LY86: variants seen among roughly 807,000 people sequenced by gnomAD.
LY86 encodes MD-1, RP105-associated.
LY86 carries 20 observed loss-of-function variants against 17.3 expected under a neutral mutation model. The observed-to-expected ratio is 1.15, with a 90% CI of 0.81 to 1.68. The LOEUF (loss-of-function observed/expected upper bound fraction) is 1.68, where lower values mean the gene tolerates loss of function less well. Among genes scored for constraint, LY86 ranks in the 40% most tolerant of loss-of-function variants. The probability of loss-of-function intolerance (pLI) is 0.00; values close to 1 mark genes in which losing one functional copy is unlikely to be tolerated. For missense variants in LY86, 200 were observed against 191.9 expected, an observed-to-expected ratio of 1.04 and a Z score of -0.25; for synonymous variants, 74 against 70.6, an observed-to-expected ratio of 1.05 and a Z score of -0.24.
intron 1 of LY86, among the ~76,000 whole-genome samples, chr6:6,607,890 A>T (rs752129846): frequency 6.6e-6 from 1 of 151,676 alleles, no homozygotes; most frequent in Non-Finnish European, 1.5e-5. Flanking sequence ...ATAAGACTCC[A>T]TCTCAAAAAA....
chr6:6,612,318 G>T (rs1432256505), intron 1 of LY86, among the ~76,000 whole-genome samples: 1 of 152,230 alleles, frequency 6.6e-6, no homozygotes, highest in Non-Finnish European at 1.5e-5. Flanking sequence ...CTTCAGGCGT[G>T]AAACTGCAGA....
rs142269963 is a variant in LY86, at chr6:6,589,475, C to T, written c.136+605C>T. 2.0e-3 allele frequency among the ~76,000 whole-genome samples: 306 copies of T among 152,330 alleles called. 2 individuals are homozygous for T. Among genetic ancestry groups the T allele is most frequent in the Non-Finnish European group, 3.2e-3 (219 of 68,036 alleles). ...CAGGCCTGTCACCCCAGCGGGCCAA[C>T]CCAATACGCCAACAGATAATTGCAA... On this transcript the variant is annotated intron_variant, in intron 1 of 4. Transcript: ENST00000230568.
intron 1 of LY86, among the ~76,000 whole-genome samples, chr6:6,619,394 T>C (rs1254624848): frequency 6.6e-6 from 1 of 152,274 alleles, no homozygotes; most frequent in Non-Finnish European, 1.5e-5. Flanking sequence ...TCTGTTTCTC[T>C]AGAGAACCCT....
rs1232623786 is a variant in LY86 at position 6,651,752 on chromosome 6, C to G, written c.405+2075C>G. 3.3e-5 allele frequency among the ~76,000 whole-genome samples: 5 copies of G among 152,084 alleles called. No individual in the cohort carries two copies. The East Asian group carries it at 9.7e-4, about 29-fold the overall frequency. ...AAAAGAACTTCTTAAAGTCAGAAAACCCCTTTGAAAGTAAGTTGAGAGGCC... is the reference window on the plus strand; with the variant it reads ...AAAAGAACTTCTTAAAGTCAGAAAAGCCCTTTGAAAGTAAGTTGAGAGGCC... On this transcript the variant is annotated intron_variant, in intron 4 of 4. Coordinates refer to ENST00000230568, the MANE Select transcript of LY86 (RefSeq NM_004271.4).
chr6:6,605,913 A>T (rs1761118149), intron 1 of LY86, among the ~76,000 whole-genome samples: 1 of 152,206 alleles, frequency 6.6e-6, no homozygotes, highest in African/African-American at 2.4e-5. Flanking sequence ...GGCTTCAGGA[A>T]TGAAGCTGCA....
chr6:6,635,635 G>A (rs1215507520), intron 3 of LY86, among the ~76,000 whole-genome samples: 1 of 152,138 alleles, frequency 6.6e-6, no homozygotes, highest in African/African-American at 2.4e-5. Flanking sequence ...TAGACTTCCT[G>A]CTCCTTCAAA....
chr6:6,599,510 G>C (rs970099837), intron 1 of LY86, among the ~76,000 whole-genome samples: 17 of 152,220 alleles, frequency 1.1e-4, no homozygotes, highest in Non-Finnish European at 1.6e-4. Flanking sequence ...CTGAATGTCA[G>C]CTTGATGTCC....
chr6:6,609,523 G>A (rs1469772794), intron 1 of LY86, among the ~76,000 whole-genome samples: 1 of 152,108 alleles, frequency 6.6e-6, no homozygotes, highest in Non-Finnish European at 1.5e-5. Flanking sequence ...TCCTTCAAGG[G>A]CCTCTCAGTT....
At chr6:6,605,320 T>C (rs564573412) in intron 1 of LY86, among the ~76,000 whole-genome samples, 11 of 152,300 alleles carry the variant, frequency 7.2e-5, no homozygotes, top group African/African-American at 2.4e-4. Flanking sequence ...TGTGGTTTAG[T>C]TGGGGGTCTC....
At chr6:6,621,222 T>C (rs978118935) in intron 1 of LY86, 5 of 152,256 alleles carry the variant, frequency 3.3e-5, no homozygotes, top group Non-Finnish European at 1.5e-5. Flanking sequence ...AACACTTATC[T>C]CTGCCCTTGA....
At chr6:6,590,427 TTA>T (rs561532189) in intron 1 of LY86, among the ~76,000 whole-genome samples, 37 of 152,266 alleles carry the variant, frequency 2.4e-4, no homozygotes, top group African/African-American at 8.7e-4. Flanking sequence ...AACTAATGAA[TTA>T]TTTCTGGAAT....
At chr6:6,628,244 TTCCC>T (rs1421536855) in intron 3 of LY86, among the ~76,000 whole-genome samples, 17 of 145,480 alleles carry the variant, frequency 1.2e-4, no homozygotes, top group African/African-American at 3.3e-4. Context: ...TCCTTTCTCC[TTCCC>T]TCCCTCCCTC....
rs1373577006 is a variant in LY86 at position 6,624,911 on chromosome 6, T to C, written c.137-15T>C. The C allele has an allele frequency of 7.3e-7, 1 of 1,374,630 alleles. No homozygotes were observed. The highest frequency in any genetic ancestry group is 1.0e-6 in the Non-Finnish European group (1 of 976,918). The allele number at this position is 1,374,630 out of a possible 1,614,324, so 85.2% of individuals were successfully genotyped here. A position where few individuals can be genotyped will look rare whatever the true frequency, so the allele number is the denominator to read the frequency against. ...CGATGTACTCGCAACTAATCTATTG[T>C]TTTCTTCTTCGTAGATCCATTACAA... On this transcript the variant is annotated splice_polypyrimidine_tract_variant and intron_variant, in intron 1 of 4. Coordinates refer to ENST00000230568, the MANE Select transcript of LY86 (RefSeq NM_004271.4).
At chr6:6,604,970 T>C (rs1040720656) in intron 1 of LY86, among the ~76,000 whole-genome samples, 1 of 151,564 alleles carries the variant, frequency 6.6e-6, no homozygotes, top group African/African-American at 2.4e-5. Flanking sequence ...CTATATACAG[T>C]ATAGCTACAA....
intron 1 of LY86, among the ~76,000 whole-genome samples, chr6:6,603,856 G>A (rs981068893): frequency 2.6e-5 from 4 of 151,314 alleles, no homozygotes; most frequent in Admixed American, 6.6e-5. Flanking sequence ...AATAAATTAA[G>A]AAATAATAAA....
At chr6:6,620,383 G>A (rs966205388) in intron 1 of LY86, among the ~76,000 whole-genome samples, 2 of 152,162 alleles carry the variant, frequency 1.3e-5, no homozygotes, top group African/African-American at 4.8e-5. Context: ...TGGAAAATGG[G>A]ACTAGCTGTG....
At chr6:6,604,453 A>T (rs1385313825) in intron 1 of LY86, among the ~76,000 whole-genome samples, 3 of 152,234 alleles carry the variant, frequency 2.0e-5, no homozygotes, top group Non-Finnish European at 2.9e-5. Context: ...TGAAAAAATA[A>T]TGGTTATGTT....
intron 1 of LY86, among the ~76,000 whole-genome samples, chr6:6,618,389 T>A (rs1314410858): frequency 6.6e-6 from 1 of 152,028 alleles, no homozygotes; most frequent in African/African-American, 2.4e-5. Flanking sequence ...GCAAGATTCC[T>A]ACTCCTTTTC....
At chr6:6,612,137 T>C (rs1761366420) in intron 1 of LY86, among the ~76,000 whole-genome samples, 1 of 151,954 alleles carries the variant, frequency 6.6e-6, no homozygotes, top group African/African-American at 2.4e-5. Context: ...CAACAACTCC[T>C]AAGATTGATA....
Sources: gnomAD v4.1 joint callset for allele counts (sites outside exome capture counted in the v4.1 genomes callset) on GRCh38, gnomAD v4.1.1 for gene constraint, MANE v1.5 for transcripts, NCBI Gene and HGNC (gene_info 2026-07-23, HGNC 2026-07-21) for gene names.